FAM118B: variants seen among roughly 807,000 people sequenced by gnomAD.
FAM118B encodes the protein SIR2 antiphage like 1.
Under a neutral mutation model 38.5 loss-of-function variants are expected in FAM118B, and 24 were observed. The ratio of observed to expected loss-of-function variants is 0.62; its 90% CI spans 0.45 to 0.88. FAM118B has a LOEUF of 0.88. Among genes scored for constraint, FAM118B ranks in the 40% least tolerant of loss-of-function variants. The probability of loss-of-function intolerance (pLI) is 0.00; values close to 1 mark genes in which losing one functional copy is unlikely to be tolerated. For synonymous variants in FAM118B, 138 were observed against 156.3 expected (o/e 0.88, Z 0.87); for missense variants, 334 against 420.0 (o/e 0.80, Z 1.79).
intron 7 of FAM118B, among the ~76,000 whole-genome samples, chr11:126,260,000 G>T (rs931310652): frequency 6.6e-6 from 1 of 152,078 alleles, no homozygotes; most frequent in Admixed American, 6.6e-5. Context: ...GATTACAGGC[G>T]TGAGCCACTG....
At chr11:126,237,850 C>T (rs527850408) in intron 3 of FAM118B, among the ~76,000 whole-genome samples, 49 of 137,432 alleles carry the variant, frequency 3.6e-4, no homozygotes, top group Non-Finnish European at 6.4e-4. Flanking sequence ...AGCTAGACTC[C>T]GTCTCCAAAA....
chr11:126,252,868 T>C lies in FAM118B; in HGVS notation c.568-1437T>C, dbSNP rs1239434061. ...TGTCCAACATGGTGAAACCCCGTCT[T>C]TACTAAGAATACAAAAACTAGCTGG... On this transcript the variant is annotated intron_variant, in intron 5 of 8. Transcript: ENST00000533050. This position sits in a 1 kb window ranked among gnomAD's most constrained non-coding sequence, Gnocchi z 4.7. 1.3e-5 allele frequency among the ~76,000 whole-genome samples: 2 copies of C among 151,794 alleles called. No individual in the cohort carries two copies. Among genetic ancestry groups the C allele is most frequent in the Admixed American group, 6.6e-5 (1 of 15,242 alleles).
At chr11:126,240,545 G>T (rs575867674) in intron 3 of FAM118B, among the ~76,000 whole-genome samples, 17 of 152,266 alleles carry the variant, frequency 1.1e-4, no homozygotes, top group African/African-American at 3.9e-4. Context: ...GGACTAGGAA[G>T]GGAAAACTGA....
In FAM118B at chr11:126,229,313, T is replaced by G. The variant is rs1311385533; in HGVS notation, c.-8+20T>G. 6.6e-6 allele frequency: 1 copy of G among 152,244 alleles called. No individual in the cohort carries two copies. Among genetic ancestry groups the G allele is most frequent in the African/African-American group, 2.4e-5 (1 of 41,472 alleles). 9.4% of individuals were successfully genotyped at this position (152,244 alleles called of 1,614,324 possible). On this transcript the variant is annotated intron_variant, in intron 2 of 8. Transcript: ENST00000533050. ...TGCACGGTAAAATCATCACCTCCAG[T>G]CACCAACTTCTAATTCAAATTAGGT...
chr11:126,259,513 C>T (rs1027193088), intron 7 of FAM118B, among the ~76,000 whole-genome samples: 2 of 151,564 alleles, frequency 1.3e-5, no homozygotes, highest in African/African-American at 4.9e-5. Context: ...GCAACCCCCG[C>T]CTCCTGGGTT....
Position 126,262,272 on chromosome 11 carries a change from A to T in FAM118B, c.*139A>T. ...CAGAGGTTGAAGGGCGGGGTAGAAG[A>T]GGGGGGAATGTTGCAGCGTAATCCT... On this transcript the variant is annotated 3_prime_UTR_variant, in exon 9 of 9. Coordinates refer to ENST00000533050, the MANE Select transcript of FAM118B (RefSeq NM_024556.4). 2 of 722,352 alleles carry T rather than the reference A, an allele frequency of 2.8e-6. No homozygotes were observed. The highest frequency in any genetic ancestry group is 1.8e-5 in the African/African-American group (1 of 54,528). The allele number at this position is 722,352 out of a possible 1,614,324, so 44.7% of individuals were successfully genotyped here.
intron 4 of FAM118B, among the ~76,000 whole-genome samples, chr11:126,248,182 A>G (rs1950443296): frequency 6.6e-6 from 1 of 150,582 alleles, no homozygotes; most frequent in African/African-American, 2.4e-5. Context: ...AAAATAAAAT[A>G]ATGATGCAGT....
At position 126,262,257 on chromosome 11, in the gene FAM118B, A is replaced by G; in HGVS notation, c.*124A>G. 1 of 943,142 alleles carries G rather than the reference A, an allele frequency of 1.1e-6. No homozygotes were observed. Among genetic ancestry groups the G allele is most frequent in the East Asian group, 2.9e-5 (1 of 34,484 alleles). The allele number at this position is 943,142 out of a possible 1,614,324, so 58.4% of individuals were successfully genotyped here. On this transcript the variant is annotated 3_prime_UTR_variant, in exon 9 of 9. Transcript: ENST00000533050. ...GAAAGTAACAATAGCCAGAGGTTGAAGGGCGGGGTAGAAGAGGGGGGAATG... is the reference window on the plus strand; with the variant it reads ...GAAAGTAACAATAGCCAGAGGTTGAGGGGCGGGGTAGAAGAGGGGGGAATG...
chr11:126,238,650 C>T (rs1453537658), intron 3 of FAM118B, among the ~76,000 whole-genome samples: 1 of 152,268 alleles, frequency 6.6e-6, no homozygotes, highest in Admixed American at 6.5e-5. Flanking sequence ...TCTGGTCAAC[C>T]TCTGCAGAAG....
At chr11:126,236,538 A>G (rs1482125382) in intron 3 of FAM118B, among the ~76,000 whole-genome samples, 1 of 152,114 alleles carries the variant, frequency 6.6e-6, no homozygotes, top group East Asian at 1.9e-4. Flanking sequence ...TATTCTCAGT[A>G]ACCTGAAATT....
intron 8 of FAM118B, 22 bp from the exon 9 acceptor site, chr11:126,262,098 T>TCTCTTTTCTTTCTCCCTACAGGCTGTA: frequency 6.2e-7 from 1 of 1,613,964 alleles, no homozygotes; most frequent in Non-Finnish European, 8.5e-7. Context: ...TTCATTTTGT[T>TCTCTTTTCTTTCTCCCTACAGGCTGTA]CTCTTTTCTT....
intron 1 of FAM118B, chr11:126,214,527 T>TTA (rs1949954178): frequency 8.1e-6 from 1 of 123,372 alleles, no homozygotes; most frequent in Non-Finnish European, 1.7e-5. Context: ...TTTTTTTTTT[T>TTA]ACCTCTATAT....
chr11:126,213,668 G>C (rs988401630), intron 1 of FAM118B, among the ~76,000 whole-genome samples: 2 of 152,190 alleles, frequency 1.3e-5, no homozygotes, highest in African/African-American at 4.8e-5. Flanking sequence ...TGTCGGGGAT[G>C]GGAGAGGCTG....
At chr11:126,224,946 C>A (rs1950120793) in intron 1 of FAM118B, among the ~76,000 whole-genome samples, 1 of 152,232 alleles carries the variant, frequency 6.6e-6, no homozygotes, top group South Asian at 2.1e-4. Context: ...CATGTCTTAA[C>A]TCAAATTAGG....
chr11:126,224,646 A>G (rs187573465), intron 1 of FAM118B, among the ~76,000 whole-genome samples: 89 of 152,274 alleles, frequency 5.8e-4, no homozygotes, highest in African/African-American at 2.1e-3. Context: ...TACAATCTGA[A>G]TAAAGGCATG....
chr11:126,253,468 T>G lies in FAM118B; in HGVS notation c.568-837T>G, dbSNP rs1257665688. Among the ~76,000 whole-genome samples the G allele has an allele frequency of 1.3e-5, 2 of 152,256 alleles. No homozygotes were observed. The highest frequency in any genetic ancestry group is 2.4e-5 in the African/African-American group (1 of 41,474). On this transcript the variant is annotated intron_variant, in intron 5 of 8. Coordinates refer to ENST00000533050, the MANE Select transcript of FAM118B (RefSeq NM_024556.4). The surrounding 1 kb of genome is among the most constrained non-coding windows in gnomAD (Gnocchi z 5.1). ...TTCGCTGTTGTCTAAATGATTGTTC[T>G]TCGCTGGCAGCCTTTTAGGTTCCTC...
chr11:126,220,536 A>G (rs559033861), intron 1 of FAM118B, among the ~76,000 whole-genome samples: 3 of 152,226 alleles, frequency 2.0e-5, no homozygotes, highest in African/African-American at 7.2e-5. Context: ...CAACATAGCA[A>G]GAGCCCATCT....
chr11:126,228,401 T>C (rs1283716008), intron 1 of FAM118B, among the ~76,000 whole-genome samples: 7 of 151,996 alleles, frequency 4.6e-5, no homozygotes, highest in Admixed American at 2.0e-4. Flanking sequence ...GGTTTTGCCA[T>C]GTTGGCCAGG....
At position 126,250,511 on chromosome 11, in the gene FAM118B, C is replaced by T. The variant is rs1403157019; in HGVS notation, c.345C>T (p.Thr115=). 6.2e-7 allele frequency: 1 copy of T among 1,611,402 alleles called. No individual in the cohort carries two copies. Among genetic ancestry groups the T allele is most frequent in the Admixed American group, 1.7e-5 (1 of 59,980 alleles). Residue 115 remains threonine, a synonymous_variant, in exon 5 of 9, where the codon ACC becomes ACT. Coordinates refer to ENST00000533050, the MANE Select transcript of FAM118B (RefSeq NM_024556.4). This position sits in a 1 kb window ranked among gnomAD's most constrained non-coding sequence, Gnocchi z 5.1. ...HDLIQKLSPR[T]SNVRSTFFKD... is the part of the protein sequence containing the mutation. ...TTTTTCAAATCCCTCCTCAGCGTAC[C>T]AGTAATGTTCGATCCACATTTTTCA...
Sources: gnomAD v4.1 joint callset for allele counts (sites outside exome capture counted in the v4.1 genomes callset) on GRCh38, gnomAD v4.1.1 for gene constraint, Gnocchi (gnomAD v3.1) non-coding constraint, MANE v1.5 for transcripts, NCBI Gene and HGNC (gene_info 2026-07-23, HGNC 2026-07-21) for gene names.